Variants in ANKRD24 observed in about 807,000 individuals in gnomAD.
ANKRD24 encodes ankyrin repeat domain-containing protein 24.
Under a neutral mutation model 127.8 loss-of-function variants are expected in ANKRD24, and 109 were observed. That is an observed-to-expected ratio of 0.85 (90% CI 0.73 to 1.00). The LOEUF is 1.00. Among genes scored for constraint, ANKRD24 ranks in the 50% least tolerant of loss-of-function variants. The probability of loss-of-function intolerance (pLI) is 0.00; values close to 1 mark genes in which losing one functional copy is unlikely to be tolerated. For synonymous variants in ANKRD24, 743 were observed against 671.1 expected, an observed-to-expected ratio of 1.11 and a Z score of -1.66; for missense variants, 1,648 against 1,570.2, an observed-to-expected ratio of 1.05 and a Z score of -0.84.
At chr19:4,206,172 TAAATAAATA>T (rs1367609872) in intron 7 of ANKRD24, among the ~76,000 whole-genome samples, 21 of 97,250 alleles carry the variant, frequency 2.2e-4, no homozygotes, top group African/African-American at 7.9e-4. Context: ...AATAAATAAA[TAAATAAATA>T]AAATTAAATA....
chr19:4,187,195 G>A (rs965688505), intron 2 of ANKRD24, among the ~76,000 whole-genome samples: 1 of 151,908 alleles, frequency 6.6e-6, no homozygotes, highest in Non-Finnish European at 1.5e-5. Flanking sequence ...GGCAGATCAC[G>A]TGAGGTCAGG....
At chr19:4,193,380 A>C (rs1466355789) in intron 2 of ANKRD24, among the ~76,000 whole-genome samples, 1 of 151,818 alleles carries the variant, frequency 6.6e-6, no homozygotes, top group African/African-American at 2.4e-5. Flanking sequence ...TGGAAGAGGC[A>C]TCTCCAAGAG....
In ANKRD24 at chr19:4,216,010, C is replaced by A. The variant is rs368841255; in HGVS notation, c.1230C>A (p.Thr410=). 1.2e-6 allele frequency: 2 copies of A among 1,601,384 alleles called. No individual in the cohort carries two copies. Among genetic ancestry groups the A allele is most frequent in the African/African-American group, 1.3e-5 (1 of 74,550 alleles). ...NERENTSYDV[T]TLQDEEGELP... The stretch of plus-strand genomic sequence containing the variant: ...GGGAGAATACTAGCTATGACGTAAC[C>A]ACCCTGCAGGATGAGGAGGGTGAGC... Residue 410 remains threonine (T), a synonymous_variant, in exon 16 of 22, where the codon ACC becomes ACA. Transcript: ENST00000318934.
chr19:4,186,302 C>A, intron 1 of ANKRD24, 88 bp from the exon 2 acceptor site: 1 of 1,518,736 alleles, frequency 6.6e-7, no homozygotes, highest in Non-Finnish European at 8.8e-7. Flanking sequence ...AAGGAGGAAG[C>A]GGTCCTTTTG....
chr19:4,210,498 A>G, intron 13 of ANKRD24, 126 bp downstream of exon 13: 1 of 862,472 alleles, frequency 1.2e-6, no homozygotes, highest in East Asian at 2.7e-5. Flanking sequence ...TGCTGCAGCC[A>G]CCTGGGCCTC....
At position 4,218,161 on chromosome 19, in the gene ANKRD24, C is replaced by A. The variant is rs368383551; in HGVS notation, c.3001C>A (p.Gln1001Lys). Reference protein sequence around the residue: ...RHEKTSAEVFQVQREALFMKS... With the variant: ...RHEKTSAEVFKVQREALFMKS... ...TGAGAAGACCAGCGCAGAGGTCTTC[C>A]AGGTGAGCAGGGCTGGTCACCACCC... is the stretch of plus-strand genomic sequence containing the variant. The change falls in exon 18 of 22, where the codon CAG becomes AAG. Residue 1001 changes from glutamine (Q) to lysine (K), a missense_variant and splice_region_variant. Transcript: ENST00000318934. 21 of 1,492,612 alleles carry A rather than the reference C, an allele frequency of 1.4e-5. No individual in the cohort carries two copies. Among genetic ancestry groups the A allele is most frequent in the Non-Finnish European group, 1.7e-5 (19 of 1,119,980 alleles). The allele number at this position is 1,492,612 out of a possible 1,614,324, so 92.5% of individuals were successfully genotyped here.
intron 15 of ANKRD24, 128 bp downstream of exon 15, chr19:4,212,826 C>A (rs1969821784): frequency 1.2e-6 from 1 of 844,012 alleles, no homozygotes; most frequent in Non-Finnish European, 1.8e-6. Flanking sequence ...GCACCAGACA[C>A]ATGCACCCAC....
At chr19:4,196,339 TG>T (rs2145258359) in intron 2 of ANKRD24, among the ~76,000 whole-genome samples, 1 of 128,412 alleles carries the variant, frequency 7.8e-6, no homozygotes, top group Non-Finnish European at 1.9e-5. Context: ...ACCTCGGTTT[TG>T]TTGTTGTTGT....
chr19:4,222,883 C>T lies in ANKRD24; in HGVS notation c.3297+88C>T. On this transcript the variant is annotated intron_variant, in intron 20 of 21. Transcript: ENST00000318934. ...AATCAGCACAGCGCAGGTGGGAATC[C>T]CAGGAGAGGGGCTGGGGTAGGCAGG... 5 of 1,392,462 alleles carry T rather than the reference C, an allele frequency of 3.6e-6. No individual in the cohort carries two copies. In the South Asian group the frequency reaches 8.7e-5, roughly 24 times the overall value. 86.3% of individuals were successfully genotyped at this position (1,392,462 alleles called of 1,614,324 possible).
intron 13 of ANKRD24, 103 bp from the exon 14 acceptor site, chr19:4,212,372 G>T: frequency 7.4e-7 from 1 of 1,355,462 alleles, no homozygotes; most frequent in Non-Finnish European, 1.0e-6. Context: ...ATAGTTGCAC[G>T]TGGAATGCGT....
chr19:4,210,440 C>A (rs1321954628), intron 13 of ANKRD24, 68 bp downstream of exon 13: 4 of 1,327,516 alleles, frequency 3.0e-6, no homozygotes, highest in Non-Finnish European at 4.1e-6. Context: ...TGAAGATCCC[C>A]CTACTTTTCT....
At chr19:4,223,773 C>T (rs989908891) in intron 20 of ANKRD24, among the ~76,000 whole-genome samples, 3 of 151,976 alleles carry the variant, frequency 2.0e-5, no homozygotes, top group Non-Finnish European at 4.4e-5. Flanking sequence ...ACCATGTTAG[C>T]CAGGGTGGTC....
At chr19:4,222,267 T>C (rs1454227382) in intron 19 of ANKRD24, among the ~76,000 whole-genome samples, 4 of 152,162 alleles carry the variant, frequency 2.6e-5, no homozygotes, top group Non-Finnish European at 5.9e-5. Flanking sequence ...TGGGCACCTG[T>C]AGTCCCAGCT....
chr19:4,183,093 C>T (rs1209957551), intron 1 of ANKRD24, among the ~76,000 whole-genome samples: 2 of 152,022 alleles, frequency 1.3e-5, no homozygotes, highest in Admixed American at 6.6e-5. Flanking sequence ...ATTCTCCTGC[C>T]TCAGCCTCCC....
rs1407930579 is a variant in ANKRD24 at position 4,216,460 on chromosome 19, A to T, written c.1389+58A>T. 55 of 1,555,134 alleles carry T rather than the reference A, an allele frequency of 3.5e-5. No homozygotes were observed. In the South Asian group the frequency reaches 5.4e-4, roughly 15 times the overall value. On this transcript the variant is annotated intron_variant, in intron 17 of 21. Transcript: ENST00000318934. ...GACCTAGGGCTGGTTCCCTGAGGTC[A>T]GGGTGGGCAGGGAAGGTGGCAAGGC...
At chr19:4,208,132 C>T (rs1372926010) in intron 10 of ANKRD24, among the ~76,000 whole-genome samples, 164 bp downstream of exon 10, 1 of 152,094 alleles carries the variant, frequency 6.6e-6, no homozygotes, top group Non-Finnish European at 1.5e-5. Context: ...AGCCCCAGGG[C>T]ATTTAGAGTA....
intron 1 of ANKRD24, among the ~76,000 whole-genome samples, chr19:4,184,183 T>G (rs1967914513): frequency 6.6e-6 from 1 of 152,198 alleles, no homozygotes; most frequent in Admixed American, 6.5e-5. Flanking sequence ...GGCGGCCGCC[T>G]GCTCAGAGCC....
intron 7 of ANKRD24, 142 bp downstream of exon 7, chr19:4,203,068 G>C (rs1302197933): frequency 1.4e-6 from 1 of 707,056 alleles, no homozygotes; most frequent in African/African-American, 1.9e-5. Context: ...TTTTTTTTGA[G>C]ACGGAGTCTC....
At chr19:4,186,315 G>A in intron 1 of ANKRD24, 75 bp from the exon 2 acceptor site, 2 of 1,533,046 alleles carry the variant, frequency 1.3e-6, no homozygotes, top group South Asian at 2.5e-5. Context: ...TCCTTTTGAG[G>A]AGGGCGAGGC....
Sources: gnomAD v4.1 joint callset for allele counts (sites outside exome capture counted in the v4.1 genomes callset) on GRCh38, gnomAD v4.1.1 for gene constraint, MANE v1.5 for transcripts, NCBI Gene and HGNC (gene_info 2026-07-23, HGNC 2026-07-21) for gene names.